The following EEF1AKMT1 variants were observed in gnomAD, a reference collection of about 807,000 sequenced individuals.
EEF1AKMT1 encodes N-6 adenine-specific DNA methyltransferase 2 (putative).
In EEF1AKMT1, 18 loss-of-function variants were observed where a neutral mutation model predicts 21.0. That is an observed-to-expected ratio of 0.86 (90% CI 0.59 to 1.27). The LOEUF is 1.27. Among genes scored for constraint, EEF1AKMT1 ranks in the 50% most tolerant of loss-of-function variants. The pLI is 0.00. For missense variants in EEF1AKMT1, 246 were observed against 258.6 expected (o/e 0.95, Z 0.33); for synonymous variants, 109 against 94.8 (o/e 1.15, Z -0.87).
chr13:20,729,244 G>C (rs1303057211), intron 4 of EEF1AKMT1, 28 bp from the exon 5 acceptor site: 1 of 1,613,586 alleles, frequency 6.2e-7, no homozygotes, highest in Admixed American at 1.7e-5. Flanking sequence ...AATGAATCCA[G>C]AGAGTGACAA....
At chr13:20,763,534 C>A (rs2141436500) in intron 1 of EEF1AKMT1, among the ~76,000 whole-genome samples, 1 of 151,814 alleles carries the variant, frequency 6.6e-6, no homozygotes, top group South Asian at 2.1e-4. Context: ...CTCACGGCAA[C>A]CTCCGCCTCC....
chr13:20,737,938 A>T, intron 2 of EEF1AKMT1, 133 bp from the exon 3 acceptor site: 1 of 475,574 alleles, frequency 2.1e-6, no homozygotes. Context: ...CAGTGGACAG[A>T]TATTTTTAAA....
intron 2 of EEF1AKMT1, among the ~76,000 whole-genome samples, chr13:20,742,080 A>C (rs2141419549): frequency 6.6e-6 from 1 of 152,242 alleles, no homozygotes; most frequent in East Asian, 1.9e-4. Context: ...CTCTGTGTAG[A>C]GATTTTTAGA....
chr13:20,772,476 C>G (rs2059067616), intron 1 of EEF1AKMT1, among the ~76,000 whole-genome samples: 1 of 152,098 alleles, frequency 6.6e-6, no homozygotes, highest in East Asian at 1.9e-4. Context: ...ACTTAAAATT[C>G]ACAGGACAGC....
chr13:20,738,628 T>C (rs1220391463), intron 2 of EEF1AKMT1, among the ~76,000 whole-genome samples: 1 of 152,172 alleles, frequency 6.6e-6, no homozygotes, highest in African/African-American at 2.4e-5. Context: ...GGTACACCCC[T>C]ACAATGAAAT....
At chr13:20,740,619 T>C (rs538493415) in intron 2 of EEF1AKMT1, among the ~76,000 whole-genome samples, 8 of 152,314 alleles carry the variant, frequency 5.3e-5, no homozygotes, top group Non-Finnish European at 1.0e-4. Flanking sequence ...CCAGTCAACA[T>C]GGTGAGACCC....
intron 2 of EEF1AKMT1, among the ~76,000 whole-genome samples, chr13:20,751,728 T>C (rs1429243763): frequency 6.6e-6 from 1 of 152,140 alleles, no homozygotes; most frequent in Non-Finnish European, 1.5e-5. Context: ...ACTGGATATA[T>C]ACATTGCTTT....
intron 1 of EEF1AKMT1, 85 bp from the exon 2 acceptor site, chr13:20,757,702 G>T (rs1010471751): frequency 1.2e-5 from 13 of 1,098,320 alleles, no homozygotes; most frequent in Non-Finnish European, 1.4e-5. Flanking sequence ...TTATTTAACA[G>T]CAAGGATCCA....
rs1768567204 is a variant in EEF1AKMT1, at chr13:20,757,991, C to T, written c.-19-374G>A. Among the ~76,000 whole-genome samples the T allele has an allele frequency of 3.9e-5, 6 of 152,198 alleles. 1 individual carries two copies. Among genetic ancestry groups the T allele is most frequent in the Admixed American group, 3.9e-4 (6 of 15,290 alleles). On this transcript the variant is annotated intron_variant, in intron 1 of 4. Coordinates refer to ENST00000382758, the MANE Select transcript of EEF1AKMT1 (RefSeq NM_001318939.2). ...ATAGTACACACAACAGGTAACAGGC[C>T]CCGAAAGAAGTTGAAGTATTTTATC...
At chr13:20,751,205 GT>G (rs2058938294) in intron 2 of EEF1AKMT1, among the ~76,000 whole-genome samples, 1 of 152,036 alleles carries the variant, frequency 6.6e-6, no homozygotes, top group Admixed American at 6.6e-5. Flanking sequence ...GTCTATTTTT[GT>G]TTCTTGTGCT....
At chr13:20,755,050 GCA>G (rs2058964409) in intron 2 of EEF1AKMT1, among the ~76,000 whole-genome samples, 2 of 152,180 alleles carry the variant, frequency 1.3e-5, no homozygotes, top group African/African-American at 4.8e-5. Context: ...GCTTTCAGTG[GCA>G]GCAGCCATAA....
intron 1 of EEF1AKMT1, among the ~76,000 whole-genome samples, chr13:20,772,917 A>C (rs1393546248): frequency 6.6e-6 from 1 of 152,192 alleles, no homozygotes; most frequent in Non-Finnish European, 1.5e-5. Context: ...AGTGTGATTC[A>C]GAGCAAAGAG....
intron 2 of EEF1AKMT1, chr13:20,746,909 A>C (rs1454314615): frequency 6.6e-6 from 1 of 152,350 alleles, no homozygotes; most frequent in East Asian, 1.9e-4. Flanking sequence ...TGCAAGTCTG[A>C]ACAATTAAGG....
chr13:20,756,157 A>G (rs1400092535), intron 2 of EEF1AKMT1, among the ~76,000 whole-genome samples: 1 of 152,232 alleles, frequency 6.6e-6, no homozygotes, highest in Non-Finnish European at 1.5e-5. Context: ...AGACTATCAA[A>G]AAATGATAAG....
intron 1 of EEF1AKMT1, among the ~76,000 whole-genome samples, chr13:20,763,002 G>A (rs9509366): frequency 6.6e-6 from 1 of 151,936 alleles, no homozygotes; most frequent in Non-Finnish European, 1.5e-5. Flanking sequence ...CCTGGAATAG[G>A]TTCCACTTAA....
intron 1 of EEF1AKMT1, among the ~76,000 whole-genome samples, chr13:20,759,525 A>G (rs1368410967): frequency 3.3e-5 from 5 of 152,066 alleles, no homozygotes; most frequent in African/African-American, 9.7e-5. Flanking sequence ...GCTTGCAGTA[A>G]GCCGAGATGG....
intron 3 of EEF1AKMT1, 127 bp from the exon 4 acceptor site, chr13:20,732,248 C>T: frequency 1.0e-6 from 1 of 994,584 alleles, no homozygotes; most frequent in Non-Finnish European, 1.5e-6. Context: ...ATAATGCAAA[C>T]TAGTGTAATA....
At chr13:20,744,812 T>C (rs1167454757) in intron 2 of EEF1AKMT1, among the ~76,000 whole-genome samples, 1 of 61,120 alleles carries the variant, frequency 1.6e-5, no homozygotes, top group Admixed American at 1.9e-4. Context: ...TTTTTATGAT[T>C]TGGGGGTTTT....
chr13:20,757,056 C>G (rs1288752093), intron 2 of EEF1AKMT1, among the ~76,000 whole-genome samples: 1 of 152,162 alleles, frequency 6.6e-6, no homozygotes, highest in Non-Finnish European at 1.5e-5. Context: ...ACTTGGGAAC[C>G]GCCGAACGTG....
Sources: gnomAD v4.1 joint callset for allele counts (sites outside exome capture counted in the v4.1 genomes callset) on GRCh38, gnomAD v4.1.1 for gene constraint, MANE v1.5 for transcripts, NCBI Gene and HGNC (gene_info 2026-07-23, HGNC 2026-07-21) for gene names.